Variants in SEMA3D observed in about 807,000 individuals in gnomAD.
SEMA3D encodes semaphorin-3D.
A neutral mutation model predicts 100.1 loss-of-function variants in SEMA3D; 84 were observed. The ratio of observed to expected loss-of-function variants is 0.84; its 90% CI spans 0.70 to 1.01. SEMA3D has a LOEUF of 1.01. SEMA3D is among the 50% of genes least tolerant of loss of function. The pLI is 0.00. For synonymous variants in SEMA3D, 312 were observed against 320.7 expected (o/e 0.97, Z 0.29); for missense variants, 875 against 934.1 (o/e 0.94, Z 0.82).
chr7:85,247,677 G>C, the SEMA3D span, among the ~76,000 whole-genome samples: 1 of 152,074 alleles, frequency 6.6e-6, no homozygotes, highest in South Asian at 2.1e-4. Context: ...TCAAGGCAAC[G>C]TAACATTGGC....
At chr7:85,150,691 A>G (rs758509738) in intron 2 of SEMA3D, among the ~76,000 whole-genome samples, 2 of 151,878 alleles carry the variant, frequency 1.3e-5, no homozygotes, top group Non-Finnish European at 2.9e-5. Context: ...AGCTTTTGCT[A>G]CATTTATACC....
intron 7 of SEMA3D, among the ~76,000 whole-genome samples, chr7:85,066,060 A>T (rs1331871371): frequency 6.6e-6 from 1 of 152,174 alleles, no homozygotes; most frequent in Non-Finnish European, 1.5e-5. Context: ...TTGTAATTAT[A>T]ACATGTTGCA....
chr7:85,031,684 T>C (rs1279058007), intron 12 of SEMA3D, among the ~76,000 whole-genome samples: 1 of 151,974 alleles, frequency 6.6e-6, no homozygotes, highest in Non-Finnish European at 1.5e-5. Flanking sequence ...CTGGGCTTGT[T>C]TCTTATCTAT....
intron 16 of SEMA3D, among the ~76,000 whole-genome samples, chr7:85,014,363 T>C (rs1562782974): frequency 6.6e-6 from 1 of 151,890 alleles, no homozygotes; most frequent in Non-Finnish European, 1.5e-5. Flanking sequence ...TGGGCATTCA[T>C]ATTGTTTCCA....
intron 12 of SEMA3D, among the ~76,000 whole-genome samples, chr7:85,035,805 A>T (rs1045817257): frequency 1.3e-5 from 2 of 152,114 alleles, no homozygotes; most frequent in Non-Finnish European, 1.5e-5. Flanking sequence ...TTGTTTGAAA[A>T]AAAACATGTT....
chr7:85,109,341 T>C (rs959040120), intron 3 of SEMA3D, among the ~76,000 whole-genome samples: 2 of 152,008 alleles, frequency 1.3e-5, no homozygotes, highest in African/African-American at 2.4e-5. Flanking sequence ...TACAGCTATA[T>C]TTTATATTTT....
intron 9 of SEMA3D, among the ~76,000 whole-genome samples, chr7:85,054,136 T>C (rs1191013846): frequency 6.6e-6 from 1 of 152,108 alleles, no homozygotes; most frequent in Non-Finnish European, 1.5e-5. Flanking sequence ...AGTATATTTA[T>C]ACTAGGGTAA....
intron 18 of SEMA3D, among the ~76,000 whole-genome samples, chr7:85,000,546 C>T (rs1789628173): frequency 6.6e-6 from 1 of 152,144 alleles, no homozygotes; most frequent in Admixed American, 6.5e-5. Context: ...CTGAATTTCT[C>T]TCTTTGCTGT....
chr7:85,077,760 G>T (rs1459221124), intron 5 of SEMA3D, among the ~76,000 whole-genome samples: 1 of 152,054 alleles, frequency 6.6e-6, no homozygotes, highest in Non-Finnish European at 1.5e-5. Context: ...ACATACTGCT[G>T]GTAAGAGCAT....
chr7:85,040,805 A>G (rs141357087), intron 10 of SEMA3D, 63 bp from the exon 11 acceptor site: 1 of 765,624 alleles, frequency 1.3e-6, no homozygotes, highest in Non-Finnish European at 2.3e-6. Context: ...TTTTTTGTTA[A>G]TAACACAACT....
intron 3 of SEMA3D, among the ~76,000 whole-genome samples, chr7:85,116,236 A>G (rs376457349): frequency 6.8e-6 from 1 of 148,074 alleles, no homozygotes. Flanking sequence ...ATATATGTAC[A>G]TACCTATATA....
intron 17 of SEMA3D, among the ~76,000 whole-genome samples, chr7:85,007,377 G>A (rs183722354): frequency 3.9e-4 from 59 of 151,858 alleles, no homozygotes; most frequent in African/African-American, 1.3e-3. Flanking sequence ...GGTCCACAGA[G>A]CTGATCAGAT....
intron 1 of SEMA3D, among the ~76,000 whole-genome samples, chr7:85,183,487 GC>G (rs1342204557): frequency 3.3e-5 from 5 of 152,156 alleles, no homozygotes; most frequent in Non-Finnish European, 7.3e-5. Context: ...TGCTTCCTCT[GC>G]CTTTCTAGTT....
intron 6 of SEMA3D, among the ~76,000 whole-genome samples, chr7:85,069,341 A>T (rs1210507460): frequency 6.6e-6 from 1 of 152,190 alleles, no homozygotes; most frequent in East Asian, 1.9e-4. Flanking sequence ...AATACTAAAC[A>T]CTAATAGCAA....
At chr7:85,239,749 C>T in the SEMA3D span, among the ~76,000 whole-genome samples, 1 of 152,150 alleles carries the variant, frequency 6.6e-6, no homozygotes, top group African/African-American at 2.4e-5. Context: ...ATAGCTACTA[C>T]CTGTTTCACT....
At chr7:85,011,574 A>G (rs1018951720) in intron 17 of SEMA3D, among the ~76,000 whole-genome samples, 2 of 151,816 alleles carry the variant, frequency 1.3e-5, no homozygotes, top group Admixed American at 6.6e-5. Flanking sequence ...TCGTGAATGC[A>G]CAGATTCTTT....
At chr7:85,050,731 T>C in intron 9 of SEMA3D, 1 of 525,542 alleles carries the variant, frequency 1.9e-6, no homozygotes, top group Non-Finnish European at 3.4e-6. Flanking sequence ...ATAAGATCAA[T>C]CTTCAAAGCA....
At chr7:85,039,066 T>C (rs1365787904) in intron 11 of SEMA3D, among the ~76,000 whole-genome samples, 1 of 152,152 alleles carries the variant, frequency 6.6e-6, no homozygotes, top group Non-Finnish European at 1.5e-5. Context: ...CCTCCTATAC[T>C]GATGTCAATA....
At position 85,056,451 on chromosome 7, in the gene SEMA3D, A is replaced by G. The variant is rs181643088; in HGVS notation, c.719-592T>C. On this transcript the variant is annotated intron_variant, in intron 8 of 18. Coordinates refer to ENST00000284136, the MANE Select transcript of SEMA3D (RefSeq NM_001384900.1). The stretch of plus-strand genomic sequence containing the variant: ...ATGACTCAATTTACTCATATGTAAT[A>G]TAAGACTACCAACGTCATCTACCTA... Among the ~76,000 whole-genome samples the G allele has an allele frequency of 7.4e-4, 112 of 152,066 alleles. 3 individuals carry two copies. The East Asian group carries it at 0.019, about 26-fold the overall frequency.
Sources: allele counts gnomAD v4.1 joint callset (sites outside exome capture counted in the v4.1 genomes callset), GRCh38; gene constraint gnomAD v4.1.1; transcripts MANE v1.5; gene names NCBI Gene and HGNC (gene_info 2026-07-23, HGNC 2026-07-21).